Variants in SYNE2 observed in about 807,000 individuals in gnomAD.
SYNE2 encodes the protein nesprin-2.
A neutral mutation model predicts 856.3 loss-of-function variants in SYNE2; 431 were observed. That is an observed-to-expected ratio of 0.50 (90% confidence interval 0.47 to 0.55). The LOEUF is 0.55. Ranked by LOEUF, SYNE2 falls within the 20% of genes least tolerant of loss-of-function variation. The probability of loss-of-function intolerance (pLI) is 0.00; values close to 1 mark genes in which losing one functional copy is unlikely to be tolerated. For synonymous variants in SYNE2, 2,923 were observed against 2,872.3 expected, an observed-to-expected ratio of 1.02 and a Z score of -0.56; for missense variants, 8,129 against 8,023.2, an observed-to-expected ratio of 1.01 and a Z score of -0.50.
At chr14:64,152,469 A>AT (rs1301460028) in intron 84 of SYNE2, 95 bp from the exon 85 acceptor site, 21 of 1,250,484 alleles carry the variant, frequency 1.7e-5, no homozygotes, top group Non-Finnish European at 2.2e-5. Flanking sequence ...ATCTAATGAC[A>AT]TTTTTACTTG....
At chr14:63,845,765 T>C (rs1890206065) in intron 1 of SYNE2, among the ~76,000 whole-genome samples, 1 of 146,762 alleles carries the variant, frequency 6.8e-6, no homozygotes, top group Non-Finnish European at 1.5e-5. Flanking sequence ...TTTTGAGACA[T>C]AGTTTCACTA....
chr14:63,982,902 CGT>C, intron 17 of SYNE2, 108 bp downstream of exon 17: 1 of 1,108,990 alleles, frequency 9.0e-7, no homozygotes, highest in Non-Finnish European at 1.3e-6. Flanking sequence ...TGCACAGTTA[CGT>C]AGCCATTACC....
intron 67 of SYNE2, 91 bp downstream of exon 67, chr14:64,119,700 C>T: frequency 2.2e-6 from 3 of 1,336,180 alleles, no homozygotes; most frequent in Non-Finnish European, 3.1e-6. Context: ...GATGAACCAG[C>T]TACAGAGAAA....
intron 1 of SYNE2, among the ~76,000 whole-genome samples, chr14:63,881,811 G>A (rs74903257): frequency 6.6e-6 from 1 of 152,084 alleles, no homozygotes; most frequent in East Asian, 1.9e-4. Flanking sequence ...TGCAGAAACC[G>A]TTAGAACAAT....
rs113145581 is a variant in SYNE2, at chr14:64,122,136, A to G, written c.13280+3A>G. On this transcript the variant is annotated splice_donor_region_variant and intron_variant, in intron 69 of 115. Transcript: ENST00000555002. ...ACAACTCAGGAATCATCTGCAAGGT[A>G]AAACATTTAAAAATAGAGTTGGTCA... 2,448 of 1,614,184 alleles carry G rather than the reference A, an allele frequency of 1.5e-3. 29 individuals are homozygous for G. The African/African-American group carries it at 0.028, about 18-fold the overall frequency.
In SYNE2 at chr14:64,129,871, T is replaced by C; in HGVS notation, c.14109T>C (p.Tyr4703=). ...RDEGERLHLP[Y]ALLQEVYKLE... ...AAGGGGAGAGGCTTCATTTACCTTA[T>C]GCTTTACTCCAGGAGGTTTACAAAT... The change falls in exon 75 of 116, where the codon TAT becomes TAC. Residue 4703 remains tyrosine, a synonymous_variant. Transcript: ENST00000555002. The C allele has an allele frequency of 6.2e-7, 1 of 1,614,190 alleles. No homozygotes were observed. The highest frequency in any genetic ancestry group is 8.5e-7 in the Non-Finnish European group (1 of 1,180,036).
intron 2 of SYNE2, among the ~76,000 whole-genome samples, chr14:63,936,164 T>C (rs540753912): frequency 1.2e-4 from 19 of 152,322 alleles, no homozygotes; most frequent in Admixed American, 2.6e-4. Flanking sequence ...TGAGCCACCG[T>C]GCCCAGCCCA....
chr14:64,165,165 C>A, intron 89 of SYNE2, 120 bp from the exon 90 acceptor site: 2 of 1,002,784 alleles, frequency 2.0e-6, no homozygotes, highest in Non-Finnish European at 3.1e-6. Context: ...GGGATTACAG[C>A]CATGAGCCAC....
At chr14:64,221,066 CT>C (rs2098691927) in intron 111 of SYNE2, among the ~76,000 whole-genome samples, 1 of 152,058 alleles carries the variant, frequency 6.6e-6, no homozygotes, top group Non-Finnish European at 1.5e-5. Flanking sequence ...TTCCCATTTT[CT>C]TTTTAGAAAG....
At chr14:64,013,043 A>G (rs1341951734) in intron 32 of SYNE2, among the ~76,000 whole-genome samples, 1 of 152,242 alleles carries the variant, frequency 6.6e-6, no homozygotes, top group Non-Finnish European at 1.5e-5. Flanking sequence ...GAAGGCTGGA[A>G]TGTCAGGAGA....
intron 85 of SYNE2, among the ~76,000 whole-genome samples, chr14:64,156,129 T>C (rs1243932530): frequency 6.6e-6 from 1 of 152,234 alleles, no homozygotes; most frequent in East Asian, 1.9e-4. Context: ...CGCTTGTTTT[T>C]AGTATAGTGA....
At chr14:64,152,389 G>C (rs1363086352) in intron 84 of SYNE2, among the ~76,000 whole-genome samples, 175 bp from the exon 85 acceptor site, 3 of 152,158 alleles carry the variant, frequency 2.0e-5, no homozygotes, top group African/African-American at 7.2e-5. Context: ...ATACAGAGTT[G>C]TGTCATATGT....
At chr14:64,125,844 CCT>C (rs1254150197) in intron 71 of SYNE2, among the ~76,000 whole-genome samples, 1 of 152,186 alleles carries the variant, frequency 6.6e-6, no homozygotes, top group East Asian at 1.9e-4. Context: ...CTTTCCCCCT[CCT>C]CTGCAGCCTG....
chr14:63,809,534 C>T (rs572667939), intron 1 of SYNE2, among the ~76,000 whole-genome samples: 128 of 152,240 alleles, frequency 8.4e-4, no homozygotes, highest in Middle Eastern at 3.4e-3. Flanking sequence ...TGCTGGAGTG[C>T]GGGGGCATGA....
intron 53 of SYNE2, among the ~76,000 whole-genome samples, chr14:64,074,861 A>G (rs957671652): frequency 6.9e-6 from 1 of 144,268 alleles, no homozygotes; most frequent in African/African-American, 2.5e-5. Flanking sequence ...TGCCGCTGCA[A>G]TCCAGCCTGG....
chr14:64,176,415 A>T (rs936996048), intron 95 of SYNE2, among the ~76,000 whole-genome samples: 1 of 152,264 alleles, frequency 6.6e-6, no homozygotes, highest in African/African-American at 2.4e-5. Flanking sequence ...TAAGGTTATT[A>T]TAATTACAAT....
In SYNE2 at chr14:63,949,876, G is replaced by A. The variant is rs764685331; in HGVS notation, c.460G>A (p.Asp154Asn). The change falls in exon 7 of 116, where the codon GAT becomes AAT. Residue 154 changes from aspartate (D) to asparagine (N), a missense_variant. Asp to Asn is a conservative substitution (Grantham distance 23). Transcript: ENST00000555002. ...TTGCAATTACAATCAGCCTTCCCTG[G>A]ATGATGTGAGTGTGGTTGACTCATC... ...LSCNYNQPSL[D>N]DVSVVDSSPA... is the part of the protein sequence containing the mutation. 47 of 1,614,004 alleles carry A rather than the reference G, an allele frequency of 2.9e-5. No homozygotes were observed. The highest frequency in any genetic ancestry group is 4.0e-5 in the Non-Finnish European group (47 of 1,180,032).
chr14:63,994,746 C>A (rs2096699157), intron 22 of SYNE2, among the ~76,000 whole-genome samples: 1 of 152,104 alleles, frequency 6.6e-6, no homozygotes, highest in Admixed American at 6.5e-5. Context: ...TTACTTATGT[C>A]TCCTTGGGCT....
At chr14:63,860,664 G>A (rs959748729) in intron 1 of SYNE2, among the ~76,000 whole-genome samples, 2 of 152,186 alleles carry the variant, frequency 1.3e-5, no homozygotes, top group African/African-American at 2.4e-5. Flanking sequence ...TACTACCACT[G>A]GGTGCAGTTT....
Sources: gnomAD v4.1 joint callset for allele counts (sites outside exome capture counted in the v4.1 genomes callset) on GRCh38, gnomAD v4.1.1 for gene constraint, MANE v1.5 for transcripts, NCBI Gene and HGNC (gene_info 2026-07-23, HGNC 2026-07-21) for gene names.